Variants in MBTD1 observed in about 807,000 individuals in gnomAD.
MBTD1 encodes mbt domain containing 1.
MBTD1 carries 24 observed loss-of-function variants against 87.8 expected under a neutral mutation model. The observed-to-expected ratio is 0.27, with a 90% CI of 0.20 to 0.38. MBTD1 has a LOEUF of 0.38. Ranked by LOEUF, MBTD1 falls within the 10% of genes least tolerant of loss-of-function variation. The pLI is 1.00. For missense variants in MBTD1, 436 were observed against 760.2 expected (o/e 0.57, Z 5.02); for synonymous variants, 237 against 248.6 (o/e 0.95, Z 0.44).
At chr17:51,238,814 A>G (rs1427209664) in intron 2 of MBTD1, among the ~76,000 whole-genome samples, 1 of 152,170 alleles carries the variant, frequency 6.6e-6, no homozygotes. Context: ...AAGTCAATGA[A>G]GTGGGCCGGG....
chr17:51,203,333 A>G (rs1183427965), intron 8 of MBTD1, 105 bp from the exon 9 acceptor site: 1 of 633,866 alleles, frequency 1.6e-6, no homozygotes, highest in East Asian at 3.0e-5. Context: ...GGCTATTAAC[A>G]TTCTGAAAAG....
At chr17:51,240,960 A>AC (rs556918155) in intron 2 of MBTD1, among the ~76,000 whole-genome samples, 177 of 151,782 alleles carry the variant, frequency 1.2e-3, no homozygotes, top group African/African-American at 4.0e-3. Context: ...AGGTCCATCC[A>AC]CCCCTTATTG....
At chr17:51,232,379 G>T (rs572414725) in intron 2 of MBTD1, among the ~76,000 whole-genome samples, 87 of 152,226 alleles carry the variant, frequency 5.7e-4, no homozygotes, top group African/African-American at 2.0e-3. Context: ...AATCCACCAT[G>T]AGCAAGCATC....
chr17:51,212,636 C>T (rs1252489009), intron 6 of MBTD1, among the ~76,000 whole-genome samples: 2 of 104,592 alleles, frequency 1.9e-5, no homozygotes, highest in African/African-American at 3.8e-5. Context: ...CATTTTAGCC[C>T]GTGCTACAAT....
intron 3 of MBTD1, among the ~76,000 whole-genome samples, chr17:51,223,302 G>T (rs955917855): frequency 2.0e-5 from 3 of 151,980 alleles, no homozygotes; most frequent in Non-Finnish European, 4.4e-5. Context: ...GGAGGCTGAG[G>T]CAGGTGGATC....
At position 51,192,947 on chromosome 17, in the gene MBTD1, T is replaced by C. The variant is rs779375520; in HGVS notation, c.1525A>G (p.Ile509Val). 5.0e-6 allele frequency: 8 copies of C among 1,614,150 alleles called. No individual in the cohort carries two copies. Among genetic ancestry groups the C allele is most frequent in the South Asian group, 1.1e-5 (1 of 91,080 alleles). Residue 509 changes from isoleucine (I) to valine (V), a missense_variant, in exon 15 of 17, where the codon ATA (isoleucine) becomes GTA (valine). Ile to Val is a conservative substitution (Grantham distance 29). This residue lies in a region of MBTD1 where 80 missense variants were observed against 182.2 expected (regional missense o/e 0.44). Transcript: ENST00000586178. ...EAVDLMEPRL[I>V]CVATVTRIIH... is the part of the protein sequence containing the mutation. ...ATTCGAGTTACTGTGGCTACACATA[T>C]TAAACGTGGCTCCATGAGATCTACT... is the stretch of plus-strand genomic sequence containing the variant.
intron 12 of MBTD1, 34 bp from the exon 13 acceptor site, chr17:51,195,395 T>C: frequency 6.6e-7 from 1 of 1,509,438 alleles, no homozygotes; most frequent in Non-Finnish European, 9.0e-7. Context: ...GTACTTGAAA[T>C]TAGATACCAC....
In MBTD1 at chr17:51,248,640, C is replaced by T. The variant is rs182778952; in HGVS notation, c.-49+10503G>A. The stretch of plus-strand genomic sequence containing the variant: ...TAAAATCGTATGCATATTTTTGTGT[C>T]TAATTTCTTCCAGTCAGCATAGTGT... On this transcript the variant is annotated intron_variant, in intron 2 of 16. Coordinates refer to ENST00000586178, the MANE Select transcript of MBTD1 (RefSeq NM_017643.3). 3.2e-3 allele frequency among the ~76,000 whole-genome samples: 486 copies of T among 152,208 alleles called. 2 individuals carry two copies. The highest frequency in any genetic ancestry group is 0.017 in the Middle Eastern group (5 of 294).
intron 16 of MBTD1, among the ~76,000 whole-genome samples, chr17:51,182,467 A>AT (rs2050358558): frequency 6.6e-6 from 1 of 152,150 alleles, no homozygotes; most frequent in South Asian, 2.1e-4. Flanking sequence ...TTGACTGAAT[A>AT]TTTCGATACA....
intron 2 of MBTD1, among the ~76,000 whole-genome samples, chr17:51,231,083 G>A (rs1425257106): frequency 2.6e-5 from 4 of 152,082 alleles, no homozygotes; most frequent in South Asian, 2.1e-4. Context: ...GACTACAGGC[G>A]CCTGCCACCA....
chr17:51,233,184 T>G (rs887355559), intron 2 of MBTD1, among the ~76,000 whole-genome samples: 5 of 150,198 alleles, frequency 3.3e-5, no homozygotes, highest in African/African-American at 1.2e-4. Flanking sequence ...ATAGTAAAAC[T>G]GCAGAACATC....
chr17:51,193,642 G>C, intron 13 of MBTD1, 132 bp from the exon 14 acceptor site: 1 of 632,918 alleles, frequency 1.6e-6, no homozygotes, highest in South Asian at 1.9e-5. Context: ...TTTTGAGACA[G>C]GGTCTTGCTC....
intron 16 of MBTD1, chr17:51,185,124 A>G (rs1423381383): frequency 2.0e-5 from 3 of 152,280 alleles, no homozygotes. Context: ...CAAAAATATT[A>G]GCAAACAGAA....
At position 51,240,143 on chromosome 17, in the gene MBTD1, G is replaced by T. The variant is rs554977390; in HGVS notation, c.-48-14934C>A. 2.0e-5 allele frequency among the ~76,000 whole-genome samples: 3 copies of T among 152,092 alleles called. No individual in the cohort carries two copies. The South Asian group carries it at 6.2e-4, about 32-fold the overall frequency. ...TTCTCAAAAGTCTTTTTTTCTTAAA[G>T]ACTTTATTTTTTGAGAAGTAATAAA... On this transcript the variant is annotated intron_variant, in intron 2 of 16. Coordinates refer to ENST00000586178, the MANE Select transcript of MBTD1 (RefSeq NM_017643.3).
chr17:51,246,967 C>T (rs1273934780), intron 2 of MBTD1, among the ~76,000 whole-genome samples: 1 of 152,054 alleles, frequency 6.6e-6, no homozygotes, highest in Admixed American at 6.6e-5. Flanking sequence ...TCTGTATTGA[C>T]TCATATTTCC....
chr17:51,251,540 T>C (rs1032162096), intron 2 of MBTD1: 3 of 152,226 alleles, frequency 2.0e-5, no homozygotes, highest in African/African-American at 7.2e-5. Context: ...AGAGTGGATC[T>C]TTGTACCTTG....
chr17:51,249,095 A>C (rs1372330379), intron 2 of MBTD1, among the ~76,000 whole-genome samples: 2 of 50,538 alleles, frequency 4.0e-5, no homozygotes, highest in Non-Finnish European at 1.1e-4. Context: ...TACAATAAGC[A>C]AAAAAAAAAA....
intron 4 of MBTD1, among the ~76,000 whole-genome samples, 163 bp downstream of exon 4, chr17:51,220,167 T>C (rs2052805766): frequency 6.6e-6 from 1 of 152,258 alleles, no homozygotes; most frequent in African/African-American, 2.4e-5. Context: ...TTCAATTTTA[T>C]AGGCTGAACA....
intron 2 of MBTD1, among the ~76,000 whole-genome samples, chr17:51,231,643 A>G (rs2053556188): frequency 6.6e-6 from 1 of 152,170 alleles, no homozygotes; most frequent in South Asian, 2.1e-4. Flanking sequence ...CACACAGAAA[A>G]TGATCATCTG....
Sources: gnomAD v4.1 joint callset for allele counts (sites outside exome capture counted in the v4.1 genomes callset) on GRCh38, gnomAD v4.1.1 for gene constraint, gnomAD v4.1.1 regional missense constraint, MANE v1.5 for transcripts, NCBI Gene and HGNC (gene_info 2026-07-23, HGNC 2026-07-21) for gene names.